TRAF2: variants seen among roughly 807,000 people sequenced by gnomAD.
The protein encoded by TRAF2 is TNF receptor associated factor 2.
TRAF2 carries 6 observed loss-of-function variants against 55.6 expected under a neutral mutation model. That is an observed-to-expected ratio of 0.11 (90% CI 0.06 to 0.21). The LOEUF is 0.21. Ranked by LOEUF, TRAF2 falls within the 10% of genes least tolerant of loss-of-function variation. The probability of loss-of-function intolerance (pLI) is 1.00; values close to 1 mark genes in which losing one functional copy is unlikely to be tolerated. For synonymous variants in TRAF2, 329 were observed against 276.3 expected (o/e 1.19, Z -1.89); for missense variants, 561 against 684.5 (o/e 0.82, Z 2.01).
At chr9:136,903,297 G>A (rs768401463) in intron 4 of TRAF2, among the ~76,000 whole-genome samples, 47 of 152,314 alleles carry the variant, frequency 3.1e-4, no homozygotes, top group Non-Finnish European at 5.7e-4. Context: ...TGGAGTGCTT[G>A]CTGAGTGCCA....
chr9:136,909,113 GTC>G (rs1295026628), intron 5 of TRAF2, among the ~76,000 whole-genome samples: 2 of 152,094 alleles, frequency 1.3e-5, no homozygotes, highest in African/African-American at 4.8e-5. Flanking sequence ...TCTTAGAAAA[GTC>G]TAAATGCATC....
At chr9:136,892,555 T>C (rs553934599) in intron 1 of TRAF2, among the ~76,000 whole-genome samples, 1 of 152,276 alleles carries the variant, frequency 6.6e-6, no homozygotes, top group East Asian at 1.9e-4. Flanking sequence ...TAGAAGCCAC[T>C]TTGTTCTAAA....
rs1203788679 is a variant in TRAF2 at position 136,898,883 on chromosome 9, A to G, written c.143A>G (p.Gln48Arg). The G allele has an allele frequency of 6.2e-7, 1 of 1,612,866 alleles. No individual in the cohort carries two copies. Among genetic ancestry groups the G allele is most frequent in the East Asian group, 2.2e-5 (1 of 44,860 alleles). Residue 48 changes from glutamine to arginine, a missense_variant, in exon 2 of 11, where the codon CAG (glutamine) becomes CGG (arginine). Transcript: ENST00000247668. ...GTCCTCCGCAGGCCCTTCCAGGCGC[A>G]GTGTGGCCACCGGTACTGCTCCTTC... ...RNVLRRPFQA[Q>R]CGHRYCSFCL...
chr9:136,917,077 G>C (rs1260652330), intron 7 of TRAF2, among the ~76,000 whole-genome samples: 1 of 152,186 alleles, frequency 6.6e-6, no homozygotes, highest in Non-Finnish European at 1.5e-5. Flanking sequence ...CGTTCGGGCT[G>C]ACAGAGGTCT....
chr9:136,890,112 CGT>C (rs1245138895), intron 1 of TRAF2, among the ~76,000 whole-genome samples: 1 of 114,636 alleles, frequency 8.7e-6, no homozygotes, highest in East Asian at 2.7e-4. Flanking sequence ...CCGGTCACCG[CGT>C]GTGAGTCCCC....
intron 4 of TRAF2, among the ~76,000 whole-genome samples, chr9:136,902,799 G>A (rs1337927940): frequency 6.6e-6 from 1 of 152,194 alleles, no homozygotes; most frequent in East Asian, 1.9e-4. Flanking sequence ...CTCTCCGGGT[G>A]CTCGGAGTGT....
chr9:136,924,885 T>G (rs559289037), intron 10 of TRAF2, among the ~76,000 whole-genome samples: 3 of 151,776 alleles, frequency 2.0e-5, no homozygotes, highest in Non-Finnish European at 2.9e-5. Context: ...ACTACAGGCA[T>G]GCACCACCAC....
At chr9:136,895,186 C>T (rs1849654709) in intron 1 of TRAF2, among the ~76,000 whole-genome samples, 1 of 152,206 alleles carries the variant, frequency 6.6e-6, no homozygotes, top group African/African-American at 2.4e-5. Context: ...CAGCCCCTTT[C>T]AGGTGAGCAG....
chr9:136,913,718 TTTG>T (rs901610205), intron 6 of TRAF2, among the ~76,000 whole-genome samples: 175 of 152,312 alleles, frequency 1.1e-3, no homozygotes, highest in African/African-American at 3.9e-3. Context: ...AAGATTTGCT[TTTG>T]TTCTTTGACG....
chr9:136,905,441 G>A (rs1210408560), intron 4 of TRAF2, among the ~76,000 whole-genome samples: 5 of 152,224 alleles, frequency 3.3e-5, no homozygotes, highest in African/African-American at 1.2e-4. Context: ...GGCTGGAGCA[G>A]GGGAATGGGG....
At chr9:136,903,881 A>T (rs911642415) in intron 4 of TRAF2, among the ~76,000 whole-genome samples, 8 of 152,052 alleles carry the variant, frequency 5.3e-5, no homozygotes, top group Admixed American at 2.0e-4. Flanking sequence ...ATGGGGTTTC[A>T]CCATGTTAGC....
At chr9:136,891,445 T>C (rs1282629448) in intron 1 of TRAF2, among the ~76,000 whole-genome samples, 2 of 151,712 alleles carry the variant, frequency 1.3e-5, no homozygotes, top group African/African-American at 4.8e-5. Flanking sequence ...GGTTTCATCA[T>C]GTTCCCCAGG....
At chr9:136,918,235 ATATATATATATATATATATATATT>A (rs1265050540) in intron 7 of TRAF2, among the ~76,000 whole-genome samples, 1 of 42,420 alleles carries the variant, frequency 2.4e-5, no homozygotes, top group Non-Finnish European at 4.1e-5. Context: ...GTTTATATAT[ATATATATATATATATATATATATT>A]TATTTAATTA....
At chr9:136,891,505 A>G (rs1020280190) in intron 1 of TRAF2, among the ~76,000 whole-genome samples, 2 of 151,978 alleles carry the variant, frequency 1.3e-5, no homozygotes, top group African/African-American at 4.8e-5. Flanking sequence ...CGGCCTCCCA[A>G]AGTGCTGGGA....
rs1462283257 is a variant in TRAF2 at position 136,908,057 on chromosome 9, CT to C, written c.367-10del. 1.3e-6 allele frequency: 2 copies of C among 1,595,476 alleles called. No individual in the cohort carries two copies. The highest frequency in any genetic ancestry group is 1.1e-5 in the South Asian group (1 of 90,152). ...ACGCGAGTTCTACTGACGCTTCCTC[CT>C]TTCGTTGCTAGAGCTGCCACGAAGG... On this transcript the variant is annotated splice_polypyrimidine_tract_variant and intron_variant, in intron 4 of 10. Transcript: ENST00000247668.
intron 6 of TRAF2, among the ~76,000 whole-genome samples, chr9:136,913,039 A>G (rs1009484331): frequency 3.5e-4 from 54 of 152,216 alleles, no homozygotes; most frequent in African/African-American, 1.3e-3. Flanking sequence ...TGGGAAGCTG[A>G]GACAGGAGAA....
intron 1 of TRAF2, among the ~76,000 whole-genome samples, chr9:136,888,569 G>A (rs1352005536): frequency 6.6e-6 from 1 of 152,220 alleles, no homozygotes; most frequent in Non-Finnish European, 1.5e-5. Context: ...CTTGTGAGAA[G>A]GGCGAGGCCT....
upstream of TRAF2, chr9:136,885,944 C>T (rs1426494816): frequency 6.6e-6 from 1 of 152,232 alleles, no homozygotes; most frequent in African/African-American, 2.4e-5. Flanking sequence ...TAAATGTTAC[C>T]CAAATTGAGG....
chr9:136,911,701 A>C (rs1588436508), intron 6 of TRAF2, among the ~76,000 whole-genome samples: 2 of 152,144 alleles, frequency 1.3e-5, no homozygotes, highest in Non-Finnish European at 1.5e-5. Flanking sequence ...CTGGCCCTTC[A>C]ATGCAGGCCG....
Sources: gnomAD v4.1 joint callset for allele counts (sites outside exome capture counted in the v4.1 genomes callset) on GRCh38, gnomAD v4.1.1 for gene constraint, MANE v1.5 for transcripts, NCBI Gene and HGNC (gene_info 2026-07-23, HGNC 2026-07-21) for gene names.